PLXNA2: variants seen among roughly 807,000 people sequenced by gnomAD.
The protein encoded by PLXNA2 is plexin-A2.
In PLXNA2, 91 loss-of-function variants were observed where a neutral mutation model predicts 193.5. The observed-to-expected ratio is 0.47, with a 90% CI of 0.40 to 0.56. PLXNA2 has a LOEUF of 0.56. PLXNA2 is among the 20% of genes least tolerant of loss of function. PLXNA2 has a pLI of 0.00. For missense variants in PLXNA2, 1,995 were observed against 2,503.2 expected, an observed-to-expected ratio of 0.80 and a Z score of 4.33; for synonymous variants, 997 against 1,027.3, an observed-to-expected ratio of 0.97 and a Z score of 0.56.
Position 208,038,443 on chromosome 1 carries a change from C to T in PLXNA2, c.4692G>A (p.Val1564=). 1.2e-6 allele frequency: 2 copies of T among 1,614,140 alleles called. No individual in the cohort carries two copies. Among genetic ancestry groups the T allele is most frequent in the Non-Finnish European group, 1.7e-6 (2 of 1,180,024 alleles). Reference sequence around the variant, plus strand: ...TGGTGGTGATGTCCTCATCTTGCAGCACGACCCGGGCGATCCGGCCTTGGC... The same window carrying T: ...TGGTGGTGATGTCCTCATCTTGCAGTACGACCCGGGCGATCCGGCCTTGGC... ...EWRQGRIARV[V]LQDEDITTKI... Residue 1564 remains valine, a synonymous_variant, in exon 26 of 32, where the codon GTG becomes GTA. Coordinates refer to ENST00000367033, the MANE Select transcript of PLXNA2 (RefSeq NM_025179.4). This position sits in a 1 kb window ranked among gnomAD's most constrained non-coding sequence, Gnocchi z 4.1.
intron 3 of PLXNA2, among the ~76,000 whole-genome samples, chr1:208,147,769 G>T (rs180979779): frequency 6.6e-6 from 1 of 152,162 alleles, no homozygotes; most frequent in Non-Finnish European, 1.5e-5. Context: ...GGCAAACATA[G>T]CTGCCCTTGC....
intron 1 of PLXNA2, among the ~76,000 whole-genome samples, chr1:208,219,983 A>G (rs1403950529): frequency 6.6e-6 from 1 of 152,196 alleles, no homozygotes; most frequent in African/African-American, 2.4e-5. Flanking sequence ...GAGCTGTGGA[A>G]AGGAAATAAC....
chr1:208,059,862 G>T (rs1268150264), intron 13 of PLXNA2, among the ~76,000 whole-genome samples: 1 of 148,574 alleles, frequency 6.7e-6, no homozygotes, highest in Non-Finnish European at 1.5e-5. Flanking sequence ...TGGCTCCGGT[G>T]GGGGGGATCA....
intron 3 of PLXNA2, among the ~76,000 whole-genome samples, chr1:208,196,305 C>A (rs533729213): frequency 5.3e-5 from 8 of 152,068 alleles, no homozygotes; most frequent in Non-Finnish European, 1.2e-4. Context: ...AGGACTCAAC[C>A]AAACACACTG....
chr1:208,177,066 C>T (rs1428336760), intron 3 of PLXNA2, among the ~76,000 whole-genome samples: 2 of 130,464 alleles, frequency 1.5e-5, no homozygotes, highest in Admixed American at 7.2e-5. Flanking sequence ...ATGGCTTTGC[C>T]GACTCTCCCA....
chr1:208,110,841 C>T (rs1667442675), intron 4 of PLXNA2, among the ~76,000 whole-genome samples: 1 of 152,204 alleles, frequency 6.6e-6, no homozygotes, highest in Admixed American at 6.5e-5. Flanking sequence ...GGCCATTCTT[C>T]TTCCTAGAAA....
At chr1:208,034,023 A>G (rs140099487) in intron 27 of PLXNA2, among the ~76,000 whole-genome samples, 47 of 152,328 alleles carry the variant, frequency 3.1e-4, no homozygotes, top group Non-Finnish European at 2.9e-5. Context: ...ATGAAACCAG[A>G]GCAAATAAAA....
intron 3 of PLXNA2, among the ~76,000 whole-genome samples, chr1:208,168,723 G>GTTTTTTTTTTT (rs751893998): frequency 0.04 from 4,040 of 101,942 alleles, 908 homozygotes; most frequent in Non-Finnish European, 0.057. Context: ...GAGTATGCGG[G>GTTTTTTTTTTT]GTTTTTTTTT....
At chr1:208,167,710 G>A (rs12070301) in intron 3 of PLXNA2, among the ~76,000 whole-genome samples, 3,616 of 152,320 alleles carry the variant, frequency 0.024, 149 homozygotes, top group African/African-American at 0.082. Context: ...CCTAACGGGA[G>A]TGAGCAGCAG....
chr1:208,225,053 G>A (rs141287434), intron 1 of PLXNA2, among the ~76,000 whole-genome samples: 8 of 152,298 alleles, frequency 5.3e-5, no homozygotes, highest in East Asian at 1.9e-4. Flanking sequence ...GGGGAGCTGC[G>A]TGCGGCTCTC....
At chr1:208,189,068 C>G (rs896548862) in intron 3 of PLXNA2, among the ~76,000 whole-genome samples, 1 of 152,146 alleles carries the variant, frequency 6.6e-6, no homozygotes, top group Non-Finnish European at 1.5e-5. Flanking sequence ...CTACGAGAAG[C>G]GCAAAGAAAA....
At chr1:208,209,296 C>A (rs760280810) in intron 3 of PLXNA2, among the ~76,000 whole-genome samples, 2 of 152,106 alleles carry the variant, frequency 1.3e-5, no homozygotes, top group African/African-American at 2.4e-5. Flanking sequence ...TCCAGGTTAC[C>A]CTCCTTCCAC....
rs115666632 is a variant in PLXNA2, at chr1:208,082,941, C to T, written c.2299-433G>A. 6.6e-6 allele frequency among the ~76,000 whole-genome samples: 1 copy of T among 152,146 alleles called. No individual in the cohort carries two copies. On this transcript the variant is annotated intron_variant, in intron 10 of 31. Coordinates refer to ENST00000367033, the MANE Select transcript of PLXNA2 (RefSeq NM_025179.4). The surrounding 1 kb of genome is among the most constrained non-coding windows in gnomAD (Gnocchi z 4.2). The stretch of plus-strand genomic sequence containing the variant: ...GCAGATCTGCCTCAAACTGTCCATC[C>T]CCTGGTGTTGCCACTTTCTGTCTTG...
chr1:208,087,217 T>C (rs1666560358), intron 9 of PLXNA2, among the ~76,000 whole-genome samples: 1 of 152,094 alleles, frequency 6.6e-6, no homozygotes, highest in Non-Finnish European at 1.5e-5. Flanking sequence ...TGTTGAATCC[T>C]TTTAATGTGG....
chr1:208,044,949 T>G lies in PLXNA2; in HGVS notation c.3639+118A>C. On this transcript the variant is annotated intron_variant, in intron 19 of 31. Coordinates refer to ENST00000367033, the MANE Select transcript of PLXNA2 (RefSeq NM_025179.4). The surrounding 1 kb of genome is among the most constrained non-coding windows in gnomAD (Gnocchi z 4.9). ...CCCAATTTGATGTAGGACCCAGAGATGAGGAGATATGGAGGGGGTGAGTCA... is the reference window on the plus strand; with the variant it reads ...CCCAATTTGATGTAGGACCCAGAGAGGAGGAGATATGGAGGGGGTGAGTCA... 8.1e-7 allele frequency: 1 copy of G among 1,232,554 alleles called. No homozygotes were observed. Among genetic ancestry groups the G allele is most frequent in the Non-Finnish European group, 1.2e-6 (1 of 852,452 alleles). The allele number at this position is 1,232,554 out of a possible 1,614,324, so 76.4% of individuals were successfully genotyped here.
chr1:208,192,511 G>T (rs1456237500), intron 3 of PLXNA2, among the ~76,000 whole-genome samples: 1 of 152,062 alleles, frequency 6.6e-6, no homozygotes, highest in African/African-American at 2.4e-5. Context: ...AGATGAAATA[G>T]ATGAAAGTAA....
intron 3 of PLXNA2, among the ~76,000 whole-genome samples, chr1:208,164,675 G>A (rs1436151339): frequency 6.6e-6 from 1 of 152,212 alleles, no homozygotes; most frequent in East Asian, 1.9e-4. Context: ...TTTAGAGGCT[G>A]GGCTGAGTGA....
intron 5 of PLXNA2, 41 bp downstream of exon 5, chr1:208,103,106 T>C (rs937822724): frequency 1.4e-6 from 2 of 1,419,474 alleles, no homozygotes; most frequent in East Asian, 2.3e-5. Context: ...AGCCCCGGTC[T>C]TCTGCATGCC....
intron 1 of PLXNA2, among the ~76,000 whole-genome samples, chr1:208,228,064 T>TCTCG (rs1243142142): frequency 6.6e-6 from 1 of 152,230 alleles, no homozygotes; most frequent in Non-Finnish European, 1.5e-5. Flanking sequence ...GTCCATGAAC[T>TCTCG]GACCCTAAAA....
Sources: allele counts gnomAD v4.1 joint callset (sites outside exome capture counted in the v4.1 genomes callset), GRCh38; gene constraint gnomAD v4.1.1; non-coding constraint Gnocchi (gnomAD v3.1); transcripts MANE v1.5; gene names NCBI Gene and HGNC (gene_info 2026-07-23, HGNC 2026-07-21).